Variants in METTL13 observed in about 807,000 individuals in gnomAD.
The protein encoded by METTL13 is methyltransferase 13, eEF1A N-terminus and K55.
In METTL13, 52 loss-of-function variants were observed where a neutral mutation model predicts 67.4. The observed-to-expected ratio is 0.77, with a 90% CI of 0.62 to 0.97. The LOEUF (loss-of-function observed/expected upper bound fraction) is 0.97, where lower values mean the gene tolerates loss of function less well. Among genes scored for constraint, METTL13 ranks in the 50% least tolerant of loss-of-function variants. The pLI, the probability that METTL13 is intolerant of heterozygous loss-of-function variation, is 0.00. For synonymous variants in METTL13, 354 were observed against 353.6 expected (o/e 1.00, Z -0.01); for missense variants, 825 against 889.6 (o/e 0.93, Z 0.92).
chr1:171,795,862 C>G (rs1334058819), intron 7 of METTL13, among the ~76,000 whole-genome samples: 2 of 152,142 alleles, frequency 1.3e-5, no homozygotes, highest in East Asian at 3.9e-4. Context: ...GAATCACTTT[C>G]TATTGATTGA....
At chr1:171,792,499 T>C (rs560657816) in intron 6 of METTL13, among the ~76,000 whole-genome samples, 24 of 152,238 alleles carry the variant, frequency 1.6e-4, no homozygotes, top group Non-Finnish European at 3.2e-4. Context: ...TTTTCTGACC[T>C]GTAACCTTGT....
chr1:171,797,612 A>G lies in METTL13; in HGVS notation c.*856A>G, dbSNP rs1378798162. 6.6e-6 allele frequency: 1 copy of G among 152,234 alleles called. No homozygotes were observed. The highest frequency in any genetic ancestry group is 1.5e-5 in the Non-Finnish European group (1 of 68,038). 9.4% of individuals were successfully genotyped at this position (152,234 alleles called of 1,614,324 possible). Reference sequence around the variant, plus strand: ...CATGCACTGTCTCATTTAATCTGAGATAAAGGATACTTAAGCCCAAACTAT... The same window carrying G: ...CATGCACTGTCTCATTTAATCTGAGGTAAAGGATACTTAAGCCCAAACTAT... On this transcript the variant is annotated 3_prime_UTR_variant, in exon 8 of 8. Coordinates refer to ENST00000361735, the MANE Select transcript of METTL13 (RefSeq NM_015935.5).
intron 3 of METTL13, 57 bp from the exon 4 acceptor site, chr1:171,787,678 T>G: frequency 6.6e-7 from 1 of 1,509,872 alleles, no homozygotes; most frequent in South Asian, 1.2e-5. Flanking sequence ...GGGTTATAAT[T>G]TCTCTTATTT....
In METTL13 at chr1:171,796,580, A is replaced by G. The variant is rs748711666; in HGVS notation, c.1924A>G (p.Ile642Val). Residue 642 changes from isoleucine (I) to valine (V), a missense_variant, in exon 8 of 8, where the codon ATT becomes GTT. Ile to Val is a conservative substitution (Grantham distance 29). Transcript: ENST00000361735. Reference sequence around the variant, plus strand: ...GTTCCCCCTCCTATATGTCCGGCGAATTGAGGGTGAAGTGAATGAGATCCT... The same window carrying G: ...GTTCCCCCTCCTATATGTCCGGCGAGTTGAGGGTGAAGTGAATGAGATCCT... ...AVFPLLYVRR[I>V]EGEVNEILFC... 2.5e-6 allele frequency: 4 copies of G among 1,614,176 alleles called. No homozygotes were observed. The highest frequency in any genetic ancestry group is 2.7e-5 in the African/African-American group (2 of 75,064).
chr1:171,784,863 G>T (rs551633320), intron 2 of METTL13, among the ~76,000 whole-genome samples: 4 of 152,180 alleles, frequency 2.6e-5, no homozygotes, highest in Admixed American at 6.5e-5. Context: ...AGTAATGCTG[G>T]ACTAGCAAGT....
chr1:171,792,413 G>C (rs1202959376), intron 6 of METTL13, among the ~76,000 whole-genome samples, 178 bp downstream of exon 6: 1 of 152,244 alleles, frequency 6.6e-6, no homozygotes, highest in Non-Finnish European at 1.5e-5. Flanking sequence ...GCTTAGCACT[G>C]TGTTAGGTGT....
chr1:171,782,037 C>T lies in METTL13; in HGVS notation c.70C>T (p.Arg24Ter), dbSNP rs1317840033. The T allele has an allele frequency of 1.2e-6, 2 of 1,614,054 alleles. No individual in the cohort carries two copies. The highest frequency in any genetic ancestry group is 3.3e-5 in the Admixed American group (2 of 60,016). Residue 24 changes from arginine (R) to a stop codon, truncating the protein, a stop_gained, in exon 1 of 8, where the codon CGA (arginine) becomes TGA (stop). Transcript: ENST00000361735. LOFTEE classifies it high-confidence loss of function. ...CTATTGGGAGAAGTTCTTCCAGCAG[C>T]GAGGAAAGAAAGCTTTCGAGTGGTA... ...VDYWEKFFQQ[R>*]GKKAFEWYGT...
At chr1:171,788,019 C>G in intron 4 of METTL13, 89 bp downstream of exon 4, 1 of 1,302,526 alleles carries the variant, frequency 7.7e-7, no homozygotes, top group Non-Finnish European at 1.1e-6. Context: ...TAGGATGGAC[C>G]TGGGTGTCTG....
intron 7 of METTL13, 80 bp downstream of exon 7, chr1:171,794,607 A>T (rs1657306990): frequency 6.3e-7 from 1 of 1,589,922 alleles, no homozygotes; most frequent in Non-Finnish European, 8.6e-7. Context: ...AAATGCACAG[A>T]AGTGCGAGCT....
chr1:171,794,298 C>G lies in METTL13; in HGVS notation c.1694-98C>G. On this transcript the variant is annotated intron_variant, in intron 6 of 7. Coordinates refer to ENST00000361735, the MANE Select transcript of METTL13 (RefSeq NM_015935.5). ...CTGTGTCATCCTTCTAACTTAGTCA[C>G]CATGCCCACCACTGGTAAAGAGGAG... 3 of 1,541,792 alleles carry G rather than the reference C, an allele frequency of 1.9e-6. 1 individual carries two copies. In the South Asian group the frequency reaches 3.5e-5, roughly 18 times the overall value.
Position 171,792,066 on chromosome 1 carries a change from C to T in METTL13, c.1524C>T (p.Pro508=), listed in dbSNP as rs372156418. The change falls in exon 6 of 8, where the codon CCC becomes CCT. Residue 508 remains proline, a synonymous_variant. Transcript: ENST00000361735. ...LVVGLGGGSL[P]LFVHDHFPKS... ...TAGGCCTGGGCGGGGGCAGCCTCCC[C>T]CTCTTTGTCCACGATCATTTTCCAA... 7 of 1,613,262 alleles carry T rather than the reference C, an allele frequency of 4.3e-6. No individual in the cohort carries two copies. The South Asian group carries it at 5.5e-5, about 13-fold the overall frequency.
chr1:171,793,256 T>C (rs1420606650), intron 6 of METTL13, among the ~76,000 whole-genome samples: 1 of 152,258 alleles, frequency 6.6e-6, no homozygotes, highest in African/African-American at 2.4e-5. Context: ...TGTAACAGTT[T>C]CGTAGGTTCC....
rs1291667460 is a variant in METTL13, at chr1:171,797,494, A to G, written c.*738A>G. ...GTGACAGCTATGTGCCAGACTGCAT[A>G]AAGGGTGGTGGCAGAAGTGAAAATG... is the stretch of plus-strand genomic sequence containing the variant. On this transcript the variant is annotated 3_prime_UTR_variant, in exon 8 of 8. Coordinates refer to ENST00000361735, the MANE Select transcript of METTL13 (RefSeq NM_015935.5). 2 of 152,238 alleles carry G rather than the reference A, an allele frequency of 1.3e-5. No homozygotes were observed. The highest frequency in any genetic ancestry group is 2.9e-5 in the Non-Finnish European group (2 of 68,072). The allele number at this position is 152,238 out of a possible 1,614,324, so 9.4% of individuals were successfully genotyped here.
In METTL13 at chr1:171,787,232, G is replaced by A. The variant is rs1425858571; in HGVS notation, c.1114-503G>A. Among the ~76,000 whole-genome samples, 4 of 152,044 alleles carry A rather than the reference G, an allele frequency of 2.6e-5. No homozygotes were observed. In the East Asian group the frequency reaches 5.8e-4, roughly 22 times the overall value. On this transcript the variant is annotated intron_variant, in intron 3 of 7. Coordinates refer to ENST00000361735, the MANE Select transcript of METTL13 (RefSeq NM_015935.5). Reference sequence around the variant, plus strand: ...GGGAAGGAGTGGGAAAGTTTAGGGGGAAAGTATATTTTTCTCCTAAGGTTC... The same window carrying A: ...GGGAAGGAGTGGGAAAGTTTAGGGGAAAAGTATATTTTTCTCCTAAGGTTC...
In METTL13 at chr1:171,781,768, T is replaced by C; in HGVS notation, c.-200T>C. 1 of 1,392,886 alleles carries C rather than the reference T, an allele frequency of 7.2e-7. No individual in the cohort carries two copies. Among genetic ancestry groups the C allele is most frequent in the South Asian group, 1.6e-5 (1 of 63,688 alleles). 86.3% of individuals were successfully genotyped at this position (1,392,886 alleles called of 1,614,324 possible). ...GAGGAGGGGGCAAGCGTGTGTGAGATTCAGTGGTCCATGCGTGCGTTTGTC... is the reference window on the plus strand; with the variant it reads ...GAGGAGGGGGCAAGCGTGTGTGAGACTCAGTGGTCCATGCGTGCGTTTGTC... On this transcript the variant is annotated 5_prime_UTR_variant, in exon 1 of 8. Coordinates refer to ENST00000361735, the MANE Select transcript of METTL13 (RefSeq NM_015935.5).
rs1327619886 is a variant in METTL13 at position 171,792,069 on chromosome 1, C to T, written c.1527C>T (p.Leu509=). The T allele has an allele frequency of 6.2e-7, 1 of 1,613,384 alleles. No homozygotes were observed. Among genetic ancestry groups the T allele is most frequent in the African/African-American group, 1.3e-5 (1 of 74,924 alleles). The change falls in exon 6 of 8, where the codon CTC becomes CTT. Residue 509 remains leucine, a synonymous_variant. Coordinates refer to ENST00000361735, the MANE Select transcript of METTL13 (RefSeq NM_015935.5). ...VVGLGGGSLP[L]FVHDHFPKSC... The stretch of plus-strand genomic sequence containing the variant: ...GCCTGGGCGGGGGCAGCCTCCCCCT[C>T]TTTGTCCACGATCATTTTCCAAAGT...
At position 171,792,047 on chromosome 1, in the gene METTL13, T is replaced by TG; in HGVS notation, c.1508dup (p.Gly504ArgfsTer18). ...CCACTGGCATTGTTGGTGGTAGGCC[T>TG]GGGCGGGGGCAGCCTCCCCCTCTTT... is the stretch of plus-strand genomic sequence containing the variant. On this transcript the variant is annotated frameshift_variant, in exon 6 of 8. Transcript: ENST00000361735. LOFTEE classifies it high-confidence loss of function. 1 of 1,612,934 alleles carries TG rather than the reference T, an allele frequency of 6.2e-7. No homozygotes were observed. Among genetic ancestry groups the TG allele is most frequent in the Non-Finnish European group, 8.5e-7 (1 of 1,180,036 alleles).
At chr1:171,793,184 G>A (rs1481408411) in intron 6 of METTL13, among the ~76,000 whole-genome samples, 2 of 152,176 alleles carry the variant, frequency 1.3e-5, no homozygotes, top group Non-Finnish European at 2.9e-5. Context: ...TGGCAAACTA[G>A]GAGGCCTGGG....
chr1:171,784,304 G>C lies in METTL13; in HGVS notation c.718G>C (p.Glu240Gln), dbSNP rs760332211. ...CAAGCCTGTGCGGCTGGAGAGTGCC[G>C]AGCGGCTGGCCGAGGCGGTGCAGGA... ...QRKPVRLESAERLAEAVQERQ... is the reference protein window; with the variant it reads ...QRKPVRLESAQRLAEAVQERQ... The change falls in exon 2 of 8, where the codon GAG (glutamate) becomes CAG (glutamine). Residue 240 changes from glutamate to glutamine, a missense_variant. Physicochemically the swap from Glu to Gln is conservative, Grantham distance 29. Coordinates refer to ENST00000361735, the MANE Select transcript of METTL13 (RefSeq NM_015935.5). 2 of 1,608,498 alleles carry C rather than the reference G, an allele frequency of 1.2e-6. No homozygotes were observed. Among genetic ancestry groups the C allele is most frequent in the South Asian group, 1.1e-5 (1 of 90,682 alleles).
Sources: allele counts gnomAD v4.1 joint callset (sites outside exome capture counted in the v4.1 genomes callset), GRCh38; gene constraint gnomAD v4.1.1; transcripts MANE v1.5; gene names NCBI Gene and HGNC (gene_info 2026-07-23, HGNC 2026-07-21).